CTNNA1: variants seen among roughly 807,000 people sequenced by gnomAD.
The protein encoded by CTNNA1 is catenin alpha-1.
In CTNNA1, 37 loss-of-function variants were observed where a neutral mutation model predicts 98.4. The ratio of observed to expected loss-of-function variants is 0.38; its 90% CI spans 0.29 to 0.49. The LOEUF (loss-of-function observed/expected upper bound fraction) is 0.49, where lower values mean the gene tolerates loss of function less well. CTNNA1 is among the 20% of genes least tolerant of loss of function. The pLI is 0.95. For synonymous variants in CTNNA1, 404 were observed against 413.2 expected, an observed-to-expected ratio of 0.98 and a Z score of 0.27; for missense variants, 761 against 1,147.2, an observed-to-expected ratio of 0.66 and a Z score of 4.86.
At chr5:138,906,236 A>G (rs566770612) in intron 10 of CTNNA1, among the ~76,000 whole-genome samples, 1 of 151,870 alleles carries the variant, frequency 6.6e-6, no homozygotes, top group Non-Finnish European at 1.5e-5. Context: ...TCTGATAGAC[A>G]TTTTCCCAGT....
intron 7 of CTNNA1, among the ~76,000 whole-genome samples, chr5:138,857,529 G>A (rs763203423): frequency 3.3e-5 from 5 of 152,096 alleles, no homozygotes; most frequent in Admixed American, 2.0e-4. Flanking sequence ...GCTGCCCAGG[G>A]TGGTCTCCAA....
chr5:138,896,993 CA>C (rs1756958850), intron 9 of CTNNA1, among the ~76,000 whole-genome samples: 1 of 152,070 alleles, frequency 6.6e-6, no homozygotes, highest in Non-Finnish European at 1.5e-5. Flanking sequence ...AGTACATTTT[CA>C]ATTTTGTGAA....
chr5:138,781,896 C>T, intron 1 of CTNNA1, 27 bp from the exon 2 acceptor site: 1 of 1,561,214 alleles, frequency 6.4e-7, no homozygotes, highest in Non-Finnish European at 8.6e-7. Flanking sequence ...TGATGTTTGC[C>T]TGACTGACTT....
At chr5:138,932,357 C>G (rs1336839119) in intron 16 of CTNNA1, 2 of 1,386,604 alleles carry the variant, frequency 1.4e-6, no homozygotes, top group Admixed American at 3.0e-5. Flanking sequence ...CCATGCGGCG[C>G]AGTCAGGGTC....
chr5:138,905,111 A>AATACATACATACATACATAC (rs58678514), intron 10 of CTNNA1, among the ~76,000 whole-genome samples: 375 of 139,296 alleles, frequency 2.7e-3, no homozygotes, highest in African/African-American at 7.9e-3. Flanking sequence ...AAAAAAAAAA[A>AATACATACATACATACATAC]ATACATACAT....
intron 9 of CTNNA1, among the ~76,000 whole-genome samples, chr5:138,890,179 G>C (rs1362429004): frequency 6.6e-6 from 1 of 152,186 alleles, no homozygotes; most frequent in Non-Finnish European, 1.5e-5. Flanking sequence ...CAGGGTTGAT[G>C]GTGATAAGCC....
At chr5:138,774,490 TTGA>T (rs749959172) in intron 1 of CTNNA1, among the ~76,000 whole-genome samples, 1 of 152,016 alleles carries the variant, frequency 6.6e-6, no homozygotes, top group African/African-American at 2.4e-5. Flanking sequence ...TTGCCTGGAG[TTGA>T]TGAACAAGTG....
At chr5:138,887,681 T>C (rs1754376201) in intron 9 of CTNNA1, 39 bp downstream of exon 9, 1 of 1,550,332 alleles carries the variant, frequency 6.5e-7, no homozygotes, top group South Asian at 1.2e-5. Context: ...GTAGGCAACT[T>C]GGTGAAGTGT....
intron 7 of CTNNA1, among the ~76,000 whole-genome samples, chr5:138,844,291 T>TG (rs1762519691): frequency 6.6e-6 from 1 of 152,164 alleles, no homozygotes; most frequent in East Asian, 1.9e-4. Context: ...CCACCGCACC[T>TG]GGCCCCAGAG....
intron 4 of CTNNA1, among the ~76,000 whole-genome samples, chr5:138,811,643 A>G (rs1023413782): frequency 6.6e-6 from 1 of 152,268 alleles, no homozygotes; most frequent in Admixed American, 6.5e-5. Context: ...GCACCGAGTG[A>G]ACCAGACTCC....
chr5:138,839,789 A>G (rs1762121673), intron 7 of CTNNA1, among the ~76,000 whole-genome samples: 1 of 152,222 alleles, frequency 6.6e-6, no homozygotes, highest in Non-Finnish European at 1.5e-5. Context: ...AAACTCAACC[A>G]GTGTTTTCAA....
intron 9 of CTNNA1, among the ~76,000 whole-genome samples, chr5:138,897,871 G>A (rs1034733491): frequency 6.6e-6 from 1 of 152,104 alleles, no homozygotes; most frequent in Non-Finnish European, 1.5e-5. Flanking sequence ...TGTTCTCAAG[G>A]GGCATCAGGA....
chr5:138,899,093 T>C (rs988814688), intron 9 of CTNNA1, among the ~76,000 whole-genome samples: 1 of 152,224 alleles, frequency 6.6e-6, no homozygotes, highest in South Asian at 2.1e-4. Flanking sequence ...AACATAAATA[T>C]ATTTTTTAAA....
intron 10 of CTNNA1, among the ~76,000 whole-genome samples, chr5:138,915,319 A>G (rs2150215673): frequency 6.6e-6 from 1 of 152,326 alleles, no homozygotes; most frequent in Middle Eastern, 3.4e-3. Context: ...AAGAATATAA[A>G]CAAATGGACA....
Position 138,776,063 on chromosome 5 carries a change from T to TA in CTNNA1, c.-2-5859dup, listed in dbSNP as rs1554076766. Among the ~76,000 whole-genome samples, 73 of 148,328 alleles carry TA rather than the reference T, an allele frequency of 4.9e-4. No individual in the cohort carries two copies. The South Asian group carries it at 7.1e-3, about 14-fold the overall frequency. On this transcript the variant is annotated intron_variant, in intron 1 of 17. Transcript: ENST00000302763. ...TCTTTTTTTTTTTTTTTTTTTTTTT[T>TA]ATTGATCATTCTTGGGTGTTTCTCA...
In CTNNA1 at chr5:138,757,837, A is replaced by G. The variant is rs73267535; in HGVS notation, c.-3+4327A>G. Among the ~76,000 whole-genome samples the G allele has an allele frequency of 1.3e-3, 195 of 152,266 alleles. 1 individual carries two copies. Among genetic ancestry groups the G allele is most frequent in the African/African-American group, 4.4e-3 (183 of 41,546 alleles). ...GCCTGGAGTCTAGCTTGTGGATGGA[A>G]TGATAACAGATGAGGCAACAGTCAG... is the stretch of plus-strand genomic sequence containing the variant. On this transcript the variant is annotated intron_variant, in intron 1 of 17. Transcript: ENST00000302763.
intron 8 of CTNNA1, among the ~76,000 whole-genome samples, chr5:138,886,545 A>G (rs749110501): frequency 1.3e-5 from 2 of 152,210 alleles, no homozygotes; most frequent in African/African-American, 2.4e-5. Context: ...ATGTACAGGT[A>G]GGAAAATAAA....
In CTNNA1 at chr5:138,873,896, A is replaced by G. The variant is rs1244375856; in HGVS notation, c.1063-12316A>G. 4 of 1,613,970 alleles carry G rather than the reference A, an allele frequency of 2.5e-6. No homozygotes were observed. The highest frequency in any genetic ancestry group is 2.5e-6 in the Non-Finnish European group (3 of 1,179,882). Reference sequence around the variant, plus strand: ...ACTGCTTAGCCGTAGGAAATGAGCAAAATTAATCTTCGTCAGCTGGTTGTG... The same window carrying G: ...ACTGCTTAGCCGTAGGAAATGAGCAGAATTAATCTTCGTCAGCTGGTTGTG... On this transcript the variant is annotated intron_variant, in intron 7 of 17. Transcript: ENST00000302763. This position sits in a 1 kb window ranked among gnomAD's most constrained non-coding sequence, Gnocchi z 6.1.
intron 3 of CTNNA1, among the ~76,000 whole-genome samples, chr5:138,793,378 T>G (rs1370944983): frequency 1.3e-5 from 2 of 152,248 alleles, no homozygotes; most frequent in African/African-American, 4.8e-5. Flanking sequence ...CAGAGACTTG[T>G]GTTCTGCTGT....
Sources: allele counts gnomAD v4.1 joint callset (sites outside exome capture counted in the v4.1 genomes callset), GRCh38; gene constraint gnomAD v4.1.1; non-coding constraint Gnocchi (gnomAD v3.1); transcripts MANE v1.5; gene names NCBI Gene and HGNC (gene_info 2026-07-23, HGNC 2026-07-21).